RHPN2: variants seen among roughly 807,000 people sequenced by gnomAD.
RHPN2 encodes the protein rhophilin-2.
A neutral mutation model predicts 79.0 loss-of-function variants in RHPN2; 40 were observed. The observed-to-expected ratio is 0.51, with a 90% CI of 0.39 to 0.66. The LOEUF (loss-of-function observed/expected upper bound fraction) is 0.66, where lower values mean the gene tolerates loss of function less well. Among genes scored for constraint, RHPN2 ranks in the 30% least tolerant of loss-of-function variants. The pLI, the probability that RHPN2 is intolerant of heterozygous loss-of-function variation, is 0.00. For synonymous variants in RHPN2, 285 were observed against 363.5 expected, an observed-to-expected ratio of 0.78 and a Z score of 2.46; for missense variants, 686 against 883.5, an observed-to-expected ratio of 0.78 and a Z score of 2.83.
intron 6 of RHPN2, among the ~76,000 whole-genome samples, chr19:33,011,098 T>G (rs1462421829): frequency 6.6e-6 from 1 of 152,122 alleles, no homozygotes; most frequent in South Asian, 2.1e-4. Flanking sequence ...AATCAAATGC[T>G]CTACTTCCTT....
intron 6 of RHPN2, among the ~76,000 whole-genome samples, chr19:33,009,066 C>T (rs1186234938): frequency 6.6e-6 from 1 of 151,890 alleles, no homozygotes; most frequent in Admixed American, 6.6e-5. Flanking sequence ...AAGCCAAAAC[C>T]CTGGAGACAG....
At position 32,990,568 on chromosome 19, in the gene RHPN2, G is replaced by A. The variant is rs112834379; in HGVS notation, c.1746C>T (p.Gly582=). ...CGACTTTCATCTCGATCTCGTCCTC[G>A]CCAAAGCTCTTCAGCAGCTTCATAA... ...SEVMKLLKSF[G]EDEIEMKVVS... is the part of the protein sequence containing the mutation. Residue 582 remains glycine (G), a synonymous_variant, in exon 14 of 15, where the codon GGC becomes GGT. Transcript: ENST00000254260. 635 of 1,612,872 alleles carry A rather than the reference G, an allele frequency of 3.9e-4. No homozygotes were observed. Among genetic ancestry groups the A allele is most frequent in the Non-Finnish European group, 5.1e-4 (598 of 1,179,634 alleles).
chr19:33,033,177 A>G (rs1246972799), intron 2 of RHPN2, among the ~76,000 whole-genome samples: 1 of 152,170 alleles, frequency 6.6e-6, no homozygotes, highest in Non-Finnish European at 1.5e-5. Context: ...AACAAATTTT[A>G]GTTCATGGAA....
At chr19:33,023,348 T>G (rs1971939625) in intron 3 of RHPN2, among the ~76,000 whole-genome samples, 2 of 145,046 alleles carry the variant, frequency 1.4e-5, no homozygotes, top group Non-Finnish European at 3.0e-5. Flanking sequence ...GGCAGGAGAA[T>G]CACTTCAACC....
chr19:32,996,307 T>C (rs1971701583), intron 10 of RHPN2, 87 bp from the exon 11 acceptor site: 2 of 1,407,920 alleles, frequency 1.4e-6, no homozygotes, highest in Non-Finnish European at 2.0e-6. Context: ...AGGTTGGATG[T>C]TCTCTTTTCT....
At chr19:32,990,360 G>C (rs1971647847) in intron 14 of RHPN2, 154 bp downstream of exon 14, 1 of 811,616 alleles carries the variant, frequency 1.2e-6, no homozygotes, top group Non-Finnish European at 2.1e-6. Context: ...CCCAAGGTGA[G>C]CACATTACAG....
intron 5 of RHPN2, 82 bp downstream of exon 5, chr19:33,012,565 A>G: frequency 2.3e-6 from 2 of 880,222 alleles, no homozygotes; most frequent in South Asian, 2.6e-5. Context: ...CGATTCTGTT[A>G]AGACCACAAG....
At chr19:32,988,269 G>GA (rs1304587675) in intron 14 of RHPN2, among the ~76,000 whole-genome samples, 1 of 151,628 alleles carries the variant, frequency 6.6e-6, no homozygotes, top group Non-Finnish European at 1.5e-5. Flanking sequence ...ATTAAAGGTA[G>GA]AAAAATAACC....
At position 33,009,161 on chromosome 19, in the gene RHPN2, A is replaced by G. The variant is rs1311986852; in HGVS notation, c.594-981T>C. 2.6e-5 allele frequency among the ~76,000 whole-genome samples: 4 copies of G among 152,128 alleles called. No individual in the cohort carries two copies. The East Asian group carries it at 7.7e-4, about 29-fold the overall frequency. On this transcript the variant is annotated intron_variant, in intron 6 of 14. Coordinates refer to ENST00000254260, the MANE Select transcript of RHPN2 (RefSeq NM_033103.5). ...TTTTCCAGTAGTGAAACTCTTCTGT[A>G]TGACACTGCAAAGGTGGATCACTGT...
chr19:33,022,231 A>T (rs1971930650), intron 3 of RHPN2, among the ~76,000 whole-genome samples: 1 of 152,102 alleles, frequency 6.6e-6, no homozygotes, highest in Non-Finnish European at 1.5e-5. Context: ...GACGGGCGTG[A>T]GCCTCTGAGC....
At chr19:33,011,392 C>T (rs1034111364) in intron 6 of RHPN2, among the ~76,000 whole-genome samples, 7 of 152,158 alleles carry the variant, frequency 4.6e-5, no homozygotes, top group African/African-American at 1.7e-4. Flanking sequence ...TCAGAGCCCC[C>T]GTGCTTCCCC....
intron 11 of RHPN2, 105 bp from the exon 12 acceptor site, chr19:32,994,158 G>C: frequency 1.3e-6 from 1 of 796,132 alleles, no homozygotes; most frequent in Non-Finnish European, 2.2e-6. Flanking sequence ...CACTTTGGGA[G>C]GCTGAGGCAG....
chr19:33,046,119 T>C (rs1333860216), intron 1 of RHPN2, among the ~76,000 whole-genome samples: 4 of 147,950 alleles, frequency 2.7e-5, no homozygotes, highest in African/African-American at 7.6e-5. Flanking sequence ...ACAATGGGCA[T>C]GGGGAGTGTT....
intron 2 of RHPN2, among the ~76,000 whole-genome samples, chr19:33,042,683 G>A (rs936153186): frequency 6.6e-6 from 1 of 152,108 alleles, no homozygotes; most frequent in African/African-American, 2.4e-5. Context: ...TGTAATCCCA[G>A]CACTCTGGGA....
At chr19:32,994,568 C>T (rs545947557) in intron 11 of RHPN2, among the ~76,000 whole-genome samples, 5 of 152,256 alleles carry the variant, frequency 3.3e-5, no homozygotes, top group African/African-American at 1.2e-4. Context: ...GGAGGTATAA[C>T]TCCTTCCCGA....
intron 2 of RHPN2, among the ~76,000 whole-genome samples, chr19:33,029,464 T>C (rs1473514773): frequency 1.4e-5 from 2 of 146,794 alleles, no homozygotes; most frequent in African/African-American, 5.1e-5. Context: ...AGGCGGAGCT[T>C]GCAGTGAGCT....
intron 3 of RHPN2, among the ~76,000 whole-genome samples, chr19:33,024,651 T>C (rs1434437682): frequency 6.7e-6 from 1 of 149,604 alleles, no homozygotes; most frequent in Non-Finnish European, 1.5e-5. Flanking sequence ...ATTTTCCGAC[T>C]GAGTTTCCCC....
chr19:33,048,776 TAAATAACTA>T (rs140815529), intron 1 of RHPN2, among the ~76,000 whole-genome samples: 1,832 of 149,006 alleles, frequency 0.012, 42 homozygotes, highest in African/African-American at 0.043. Flanking sequence ...AATTAAATAT[TAAATAACTA>T]AAATAACTGT....
rs1346534367 is a variant in RHPN2 at position 33,027,596 on chromosome 19, T to C, written c.186-964A>G. Among the ~76,000 whole-genome samples the C allele has an allele frequency of 7.9e-5, 12 of 152,114 alleles. No homozygotes were observed. The South Asian group carries it at 2.5e-3, about 32-fold the overall frequency. On this transcript the variant is annotated intron_variant, in intron 2 of 14. Coordinates refer to ENST00000254260, the MANE Select transcript of RHPN2 (RefSeq NM_033103.5). Reference sequence around the variant, plus strand: ...AGAAAATGAAGGGAGAGGTAATGCTTCCCAATTCATTCTGTAAGACTAGTA... The same window carrying C: ...AGAAAATGAAGGGAGAGGTAATGCTCCCCAATTCATTCTGTAAGACTAGTA...
Sources: gnomAD v4.1 joint callset for allele counts (sites outside exome capture counted in the v4.1 genomes callset) on GRCh38, gnomAD v4.1.1 for gene constraint, MANE v1.5 for transcripts, NCBI Gene and HGNC (gene_info 2026-07-23, HGNC 2026-07-21) for gene names.